Variants in CCDC91 observed in about 807,000 individuals in gnomAD.
CCDC91 encodes coiled-coil domain-containing protein 91.
In CCDC91, 48 loss-of-function variants were observed where a neutral mutation model predicts 63.2. That is an observed-to-expected ratio of 0.76 (90% confidence interval 0.60 to 0.97). The LOEUF is 0.97. Ranked by LOEUF, CCDC91 falls within the 50% of genes least tolerant of loss-of-function variation. The probability of loss-of-function intolerance (pLI) is 0.00; values close to 1 mark genes in which losing one functional copy is unlikely to be tolerated. For synonymous variants in CCDC91, 167 were observed against 165.8 expected (o/e 1.01, Z -0.06); for missense variants, 500 against 494.6 (o/e 1.01, Z -0.10).
At chr12:28,400,791 G>A (rs759551386) in intron 8 of CCDC91, among the ~76,000 whole-genome samples, 28 of 152,178 alleles carry the variant, frequency 1.8e-4, no homozygotes, top group South Asian at 1.0e-3. Flanking sequence ...ACAAAATGCC[G>A]CCAGTCTCTT....
At chr12:28,418,210 C>T (rs1470394126) in intron 8 of CCDC91, among the ~76,000 whole-genome samples, 9 of 152,090 alleles carry the variant, frequency 5.9e-5, no homozygotes, top group Admixed American at 4.6e-4. Context: ...CCTTTGGATT[C>T]TCAGCAGCTC....
intron 3 of CCDC91, among the ~76,000 whole-genome samples, chr12:28,304,419 A>G (rs1938481214): frequency 6.7e-6 from 1 of 149,474 alleles, no homozygotes; most frequent in Non-Finnish European, 1.5e-5. Flanking sequence ...AAAAAAAGAA[A>G]AAAAGAAATG....
At chr12:28,480,182 C>T (rs910794816) in intron 11 of CCDC91, among the ~76,000 whole-genome samples, 2 of 152,062 alleles carry the variant, frequency 1.3e-5, no homozygotes, top group African/African-American at 4.8e-5. Context: ...TCCTAAATAA[C>T]ATTCAACATG....
intron 6 of CCDC91, among the ~76,000 whole-genome samples, chr12:28,345,309 CT>C (rs746827900): frequency 6.6e-6 from 1 of 151,882 alleles, no homozygotes; most frequent in Non-Finnish European, 1.5e-5. Flanking sequence ...ATTTATCATA[CT>C]TTTTCACTTA....
At chr12:28,353,448 A>G (rs1943314555) in intron 6 of CCDC91, among the ~76,000 whole-genome samples, 1 of 152,198 alleles carries the variant, frequency 6.6e-6, no homozygotes, top group Non-Finnish European at 1.5e-5. Context: ...GGCTGCTCTC[A>G]GCTTTTCATA....
At chr12:28,307,600 A>C (rs1313630891) in intron 5 of CCDC91, 45 bp from the exon 6 acceptor site, 17 of 984,182 alleles carry the variant, frequency 1.7e-5, no homozygotes, top group Non-Finnish European at 2.4e-5. Context: ...ATTATATTTT[A>C]TGCCATTAAA....
intron 6 of CCDC91, among the ~76,000 whole-genome samples, chr12:28,331,362 T>C (rs1161220583): frequency 1.3e-5 from 2 of 152,170 alleles, no homozygotes; most frequent in Admixed American, 6.5e-5. Context: ...CAGAGGTTCA[T>C]GTGAGGAAAA....
chr12:28,466,278 TG>T (rs1950545535), intron 11 of CCDC91, among the ~76,000 whole-genome samples: 1 of 152,090 alleles, frequency 6.6e-6, no homozygotes. Context: ...GAGAAAGAGA[TG>T]GGGATAGAAA....
chr12:28,349,849 T>A (rs2138220206), intron 6 of CCDC91, among the ~76,000 whole-genome samples: 1 of 152,238 alleles, frequency 6.6e-6, no homozygotes, highest in Admixed American at 6.5e-5. Context: ...GTTACAACTG[T>A]ATAGGGTCAA....
At chr12:28,244,536 C>CTTTTTTT (rs1945582425) in intron 1 of CCDC91, among the ~76,000 whole-genome samples, 4 of 81,330 alleles carry the variant, frequency 4.9e-5, no homozygotes, top group African/African-American at 1.6e-4. Context: ...TACAGCTCTA[C>CTTTTTTT]TCTTTTCAGT....
chr12:28,302,788 T>G (rs910779502), intron 3 of CCDC91: 1 of 191,756 alleles, frequency 5.2e-6, no homozygotes, highest in African/African-American at 2.4e-5. Context: ...GTTGGACAAC[T>G]GAATGAAACT....
At chr12:28,407,271 G>T (rs76647722) in intron 8 of CCDC91, among the ~76,000 whole-genome samples, 1 of 151,956 alleles carries the variant, frequency 6.6e-6, no homozygotes, top group Non-Finnish European at 1.5e-5. Flanking sequence ...CTAGTCTCGG[G>T]TATTTCTTTA....
intron 12 of CCDC91, among the ~76,000 whole-genome samples, chr12:28,547,766 TTC>T (rs1235766863): frequency 6.6e-6 from 1 of 152,092 alleles, no homozygotes; most frequent in Non-Finnish European, 1.5e-5. Flanking sequence ...AATATAGTGA[TTC>T]TGTTTGTTTA....
intron 7 of CCDC91, among the ~76,000 whole-genome samples, chr12:28,380,555 C>T (rs1415723582): frequency 3.9e-5 from 6 of 151,970 alleles, no homozygotes; most frequent in Admixed American, 3.9e-4. Context: ...AAATTCAGGC[C>T]ACTGTATCAT....
intron 10 of CCDC91, 144 bp from the exon 11 acceptor site, chr12:28,452,334 T>A (rs1376055406): frequency 2.2e-6 from 1 of 461,302 alleles, no homozygotes; most frequent in Non-Finnish European, 3.9e-6. Flanking sequence ...TTTGTAGCAG[T>A]TATTTACTAT....
chr12:28,412,800 C>G (rs1222042035), intron 8 of CCDC91: 1 of 453,474 alleles, frequency 2.2e-6, no homozygotes, highest in African/African-American at 2.0e-5. Context: ...TTTTAGAATC[C>G]TGCTGATTGG....
intron 11 of CCDC91, among the ~76,000 whole-genome samples, chr12:28,457,854 G>A (rs1001309839): frequency 4.6e-5 from 7 of 151,944 alleles, no homozygotes; most frequent in Non-Finnish European, 7.4e-5. Context: ...AGGAAAAGAC[G>A]TTTGTTATTG....
chr12:28,267,514 G>C (rs779076551), intron 3 of CCDC91, among the ~76,000 whole-genome samples: 33 of 149,568 alleles, frequency 2.2e-4, no homozygotes, highest in Non-Finnish European at 3.9e-4. Flanking sequence ...TATTGTTTCT[G>C]TGACTTGAAA....
chr12:28,535,838 C>G (rs1277217472), intron 12 of CCDC91, among the ~76,000 whole-genome samples: 1 of 151,950 alleles, frequency 6.6e-6, no homozygotes, highest in Non-Finnish European at 1.5e-5. Flanking sequence ...ACCATCCTGG[C>G]TAACACGGTG....
Sources: gnomAD v4.1 joint callset for allele counts (sites outside exome capture counted in the v4.1 genomes callset) on GRCh38, gnomAD v4.1.1 for gene constraint, MANE v1.5 for transcripts, NCBI Gene and HGNC (gene_info 2026-07-23, HGNC 2026-07-21) for gene names.